Variants in RBMS3 observed in about 807,000 individuals in gnomAD.
The protein encoded by RBMS3 is RNA-binding motif, single-stranded-interacting protein 3.
A neutral mutation model predicts 66.8 loss-of-function variants in RBMS3; 27 were observed. That is an observed-to-expected ratio of 0.40 (90% confidence interval 0.30 to 0.56). The LOEUF is 0.56. Among genes scored for constraint, RBMS3 ranks in the 20% least tolerant of loss-of-function variants. The probability of loss-of-function intolerance (pLI) is 0.40; values close to 1 mark genes in which losing one functional copy is unlikely to be tolerated. For missense variants in RBMS3, 513 were observed against 549.5 expected, an observed-to-expected ratio of 0.93 and a Z score of 0.66; for synonymous variants, 188 against 183.0, an observed-to-expected ratio of 1.03 and a Z score of -0.22.
At chr3:29,991,772 A>G (rs770538119) in intron 14 of RBMS3, 2 of 152,484 alleles carry the variant, frequency 1.3e-5, no homozygotes, top group Non-Finnish European at 2.9e-5. Context: ...AACTGAATAG[A>G]GTCTCAGTCT....
chr3:29,603,980 G>T (rs1427063219), intron 4 of RBMS3, among the ~76,000 whole-genome samples: 1 of 151,914 alleles, frequency 6.6e-6, no homozygotes, highest in Non-Finnish European at 1.5e-5. Flanking sequence ...GTCACAACTA[G>T]GGCACAAGTT....
chr3:29,747,607 G>T (rs2054980511), intron 5 of RBMS3, among the ~76,000 whole-genome samples: 2 of 152,222 alleles, frequency 1.3e-5, no homozygotes, highest in South Asian at 4.1e-4. Flanking sequence ...TTGCTCCTTA[G>T]TTCAACTAAA....
chr3:29,463,700 G>A (rs1350892027), intron 2 of RBMS3, among the ~76,000 whole-genome samples: 2 of 151,440 alleles, frequency 1.3e-5, no homozygotes, highest in South Asian at 2.1e-4. Flanking sequence ...CTGGCAGCTG[G>A]AACCCTTAGC....
chr3:29,490,225 G>T (rs17023723), intron 3 of RBMS3, among the ~76,000 whole-genome samples: 1 of 149,180 alleles, frequency 6.7e-6, no homozygotes, highest in African/African-American at 2.5e-5. Flanking sequence ...CAGGTGTTTC[G>T]TAATGTTATT....
At chr3:29,312,170 C>T (rs934480179) in intron 1 of RBMS3, among the ~76,000 whole-genome samples, 4 of 151,718 alleles carry the variant, frequency 2.6e-5, no homozygotes, top group African/African-American at 9.7e-5. Flanking sequence ...AACATATAGT[C>T]TTGTGGAGAA....
At chr3:29,301,749 A>G (rs1362439870) in intron 1 of RBMS3, among the ~76,000 whole-genome samples, 1 of 152,026 alleles carries the variant, frequency 6.6e-6, no homozygotes, top group Non-Finnish European at 1.5e-5. Context: ...AAACTTTAGC[A>G]TGCTTAAGAA....
At chr3:29,640,284 A>ACACACC (rs1553635420) in intron 4 of RBMS3, among the ~76,000 whole-genome samples, 4 of 138,084 alleles carry the variant, frequency 2.9e-5, no homozygotes, top group African/African-American at 1.1e-4. Flanking sequence ...ACACACACAC[A>ACACACC]CCCACACACA....
In RBMS3 at chr3:29,849,446, G is replaced by A. The variant is rs898944599; in HGVS notation, c.638-19412G>A. ...GGAGAATTGCTTGAACTTGGGAGGC[G>A]GAGGTTGCAGTGAGCCGAGATCACA... On this transcript the variant is annotated intron_variant, in intron 6 of 14. Transcript: ENST00000383767. 8.7e-4 allele frequency among the ~76,000 whole-genome samples: 130 copies of A among 149,618 alleles called. No individual in the cohort carries two copies. The Middle Eastern group carries it at 0.014, about 16-fold the overall frequency.
chr3:29,994,710 A>G (rs1031033126), intron 14 of RBMS3, among the ~76,000 whole-genome samples: 21 of 151,526 alleles, frequency 1.4e-4, no homozygotes, highest in Non-Finnish European at 2.4e-4. Flanking sequence ...GCAGCTGAGG[A>G]TCCTCTCTGT....
chr3:29,761,483 C>T (rs1482315929), intron 5 of RBMS3, among the ~76,000 whole-genome samples: 1 of 152,090 alleles, frequency 6.6e-6, no homozygotes, highest in African/African-American at 2.4e-5. Context: ...GACGCACGCC[C>T]TCCAAGCTGC....
At chr3:29,878,719 A>T (rs2059667639) in intron 7 of RBMS3, among the ~76,000 whole-genome samples, 2 of 152,280 alleles carry the variant, frequency 1.3e-5, no homozygotes, top group East Asian at 1.9e-4. Flanking sequence ...AAATTAAAGG[A>T]TCCCCTCACC....
At position 29,374,849 on chromosome 3, in the gene RBMS3, G is replaced by C. The variant is rs552758167; in HGVS notation, c.76-59894G>C. ...TATGTTTTACCATTATCTATGCTTT[G>C]GCAGCTATTTACATGTATTGTGTCT... On this transcript the variant is annotated intron_variant, in intron 1 of 14. Coordinates refer to ENST00000383767, the MANE Select transcript of RBMS3 (RefSeq NM_001003793.3). Among the ~76,000 whole-genome samples the C allele has an allele frequency of 2.0e-5, 3 of 152,236 alleles. No individual in the cohort carries two copies. The East Asian group carries it at 5.8e-4, about 29-fold the overall frequency.
At chr3:29,703,047 C>T (rs9854030) in intron 4 of RBMS3, among the ~76,000 whole-genome samples, 14,958 of 152,158 alleles carry the variant, frequency 0.098, 2,401 homozygotes, top group African/African-American at 0.33. Context: ...CTGATGCAGA[C>T]GATGTTTTGA....
At chr3:29,892,857 A>ATTTT (rs1422329469) in intron 8 of RBMS3, among the ~76,000 whole-genome samples, 1 of 150,738 alleles carries the variant, frequency 6.6e-6, no homozygotes, top group East Asian at 2.0e-4. Context: ...TTATTTATTT[A>ATTTT]TTTATTTATT....
chr3:29,909,335 T>A (rs2060462131), intron 10 of RBMS3, among the ~76,000 whole-genome samples: 1 of 152,168 alleles, frequency 6.6e-6, no homozygotes, highest in South Asian at 2.1e-4. Flanking sequence ...GATGTGTGCG[T>A]AAAAGTAATA....
intron 7 of RBMS3, chr3:29,880,955 T>C: frequency 1.1e-6 from 1 of 878,452 alleles, no homozygotes; most frequent in Non-Finnish European, 1.8e-6. Context: ...AGGGAGCTCA[T>C]GCTAACTCCT....
At chr3:29,647,202 C>T (rs1447893122) in intron 4 of RBMS3, among the ~76,000 whole-genome samples, 1 of 152,192 alleles carries the variant, frequency 6.6e-6, no homozygotes, top group Non-Finnish European at 1.5e-5. Context: ...TGGTCTCGAA[C>T]TCCTGACCTC....
chr3:29,416,786 A>G (rs2040494845), intron 1 of RBMS3, among the ~76,000 whole-genome samples: 1 of 152,140 alleles, frequency 6.6e-6, no homozygotes, highest in Admixed American at 6.5e-5. Flanking sequence ...CTGGTGCCCA[A>G]CACTGGAAGG....
At chr3:29,437,963 G>C (rs1255309513) in intron 2 of RBMS3, among the ~76,000 whole-genome samples, 1 of 151,922 alleles carries the variant, frequency 6.6e-6, no homozygotes, top group Non-Finnish European at 1.5e-5. Context: ...TCATGGGTAT[G>C]ACCTGATGGC....
Sources: gnomAD v4.1 joint callset for allele counts (sites outside exome capture counted in the v4.1 genomes callset) on GRCh38, gnomAD v4.1.1 for gene constraint, MANE v1.5 for transcripts, NCBI Gene and HGNC (gene_info 2026-07-23, HGNC 2026-07-21) for gene names.